Variants in GRIN2B observed in about 807,000 individuals in gnomAD.
GRIN2B encodes the protein glutamate receptor ionotropic, NMDA 2B.
A neutral mutation model predicts 114.5 loss-of-function variants in GRIN2B; 5 were observed. That is an observed-to-expected ratio of 0.04 (90% CI 0.02 to 0.09). The LOEUF is 0.09. GRIN2B is among the 10% of genes least tolerant of loss of function. The pLI, the probability that GRIN2B is intolerant of heterozygous loss-of-function variation, is 1.00. For synonymous variants in GRIN2B, 787 were observed against 745.1 expected, an observed-to-expected ratio of 1.06 and a Z score of -0.92; for missense variants, 1,108 against 1,943.5, an observed-to-expected ratio of 0.57 and a Z score of 8.08.
chr12:13,822,171 A>G (rs1018030377), intron 3 of GRIN2B, among the ~76,000 whole-genome samples: 4 of 152,178 alleles, frequency 2.6e-5, no homozygotes, highest in Admixed American at 2.0e-4. Context: ...TGTGTGCAAA[A>G]AGAGGAGACA....
chr12:13,538,836 A>T lies in GRIN2B; in HGVS notation c.*23947T>A, dbSNP rs1292150692. 6.6e-6 allele frequency: 1 copy of T among 151,422 alleles called. No homozygotes were observed. The highest frequency in any genetic ancestry group is 6.6e-5 in the Admixed American group (1 of 15,242). 9.4% of individuals were successfully genotyped at this position (151,422 alleles called of 1,614,324 possible). On this transcript the variant is annotated 3_prime_UTR_variant, in exon 14 of 14. Coordinates refer to ENST00000609686, the MANE Select transcript of GRIN2B (RefSeq NM_000834.5). ...TTAAAAAACAAACAAACAAAAAAAA[A>T]ACAAACAAAAAAACAAAAACAACAG...
At position 13,584,793 on chromosome 12, in the gene GRIN2B, A is replaced by G. The variant is rs1325800647; in HGVS notation, c.2011-12829T>C. On this transcript the variant is annotated intron_variant, in intron 10 of 13. Coordinates refer to ENST00000609686, the MANE Select transcript of GRIN2B (RefSeq NM_000834.5). ...ATAACATGGAGATGAAGTGAAACAG[A>G]GGCATAAGGACAGAGGCATTTGAGT... is the stretch of plus-strand genomic sequence containing the variant. 2.0e-5 allele frequency among the ~76,000 whole-genome samples: 3 copies of G among 152,250 alleles called. No individual in the cohort carries two copies. The South Asian group carries it at 6.2e-4, about 32-fold the overall frequency.
In GRIN2B at chr12:13,555,632, G is replaced by A. The variant is rs1049533250; in HGVS notation, c.*7151C>T. 7 of 152,104 alleles carry A rather than the reference G, an allele frequency of 4.6e-5. No homozygotes were observed. Among genetic ancestry groups the A allele is most frequent in the Non-Finnish European group, 1.0e-4 (7 of 68,014 alleles). The allele number at this position is 152,104 out of a possible 1,614,324, so 9.4% of individuals were successfully genotyped here. On this transcript the variant is annotated 3_prime_UTR_variant, in exon 14 of 14. Coordinates refer to ENST00000609686, the MANE Select transcript of GRIN2B (RefSeq NM_000834.5). ...GGAGCACTTGGTTGGGAGAAAGGAT[G>A]GAAAAGATGTGTGAAAGACAAGAGA...
intron 2 of GRIN2B, among the ~76,000 whole-genome samples, chr12:13,971,224 CTT>C (rs1862906701): frequency 6.6e-6 from 1 of 152,214 alleles, no homozygotes. Flanking sequence ...CACTCATACC[CTT>C]TCTCTTTTAT....
At chr12:13,639,712 G>A (rs1418014628) in intron 5 of GRIN2B, among the ~76,000 whole-genome samples, 2 of 151,984 alleles carry the variant, frequency 1.3e-5, no homozygotes, top group Admixed American at 6.6e-5. Context: ...TCCTCTGCTG[G>A]GGTTCCACAC....
At chr12:13,917,223 G>T (rs1190943078) in intron 2 of GRIN2B, among the ~76,000 whole-genome samples, 1 of 152,044 alleles carries the variant, frequency 6.6e-6, no homozygotes. Flanking sequence ...CTCCAAATGG[G>T]GTCCCACTAA....
At chr12:13,751,138 G>A (rs948378316) in intron 4 of GRIN2B, among the ~76,000 whole-genome samples, 1 of 152,160 alleles carries the variant, frequency 6.6e-6, no homozygotes, top group African/African-American at 2.4e-5. Flanking sequence ...AGAGCATGGT[G>A]TTTTTGAAGA....
rs1565445461 is a variant in GRIN2B, at chr12:13,548,993, G to A, written c.*13790C>T. On this transcript the variant is annotated 3_prime_UTR_variant, in exon 14 of 14. Coordinates refer to ENST00000609686, the MANE Select transcript of GRIN2B (RefSeq NM_000834.5). ...CTCTCCTATCTTCCCTCTAGGGCTA[G>A]GAAGGACTGATAAAAAAAAAAAGTT... 7.5e-6 allele frequency: 1 copy of A among 132,518 alleles called. No individual in the cohort carries two copies. The highest frequency in any genetic ancestry group is 1.7e-5 in the Non-Finnish European group (1 of 57,686). 8.2% of individuals were successfully genotyped at this position (132,518 alleles called of 1,614,324 possible).
chr12:13,708,347 G>A (rs1050716424), intron 4 of GRIN2B, among the ~76,000 whole-genome samples: 2 of 152,030 alleles, frequency 1.3e-5, no homozygotes, highest in Non-Finnish European at 2.9e-5. Flanking sequence ...CGACCTGAGA[G>A]ATTAAGAAAA....
At chr12:13,783,676 C>T (rs543143116) in intron 3 of GRIN2B, among the ~76,000 whole-genome samples, 6 of 152,092 alleles carry the variant, frequency 3.9e-5, no homozygotes, top group East Asian at 3.9e-4. Context: ...GGCTCTTCAA[C>T]GGGATAAAAG....
chr12:13,649,626 C>T (rs935314588), intron 5 of GRIN2B, among the ~76,000 whole-genome samples: 5 of 152,006 alleles, frequency 3.3e-5, no homozygotes. Flanking sequence ...TTGTAGATCA[C>T]ATGGGGTTAG....
intron 2 of GRIN2B, among the ~76,000 whole-genome samples, chr12:13,917,878 A>AT (rs1040396654): frequency 6.6e-6 from 1 of 151,972 alleles, no homozygotes; most frequent in Middle Eastern, 3.2e-3. Context: ...AAAATATCAG[A>AT]TTTTTGGTAG....
chr12:13,956,521 C>T (rs901442107), intron 2 of GRIN2B, among the ~76,000 whole-genome samples: 3 of 152,188 alleles, frequency 2.0e-5, no homozygotes, highest in Admixed American at 2.0e-4. Flanking sequence ...TCATTCTGTT[C>T]TATAAGCCTC....
chr12:13,597,456 T>C (rs1289215568), intron 10 of GRIN2B, among the ~76,000 whole-genome samples: 1 of 152,204 alleles, frequency 6.6e-6, no homozygotes, highest in African/African-American at 2.4e-5. Context: ...AAGTCTCAGA[T>C]GGAAAAGGGA....
chr12:13,855,089 A>G (rs1865637805), intron 3 of GRIN2B, among the ~76,000 whole-genome samples: 1 of 144,252 alleles, frequency 6.9e-6, no homozygotes, highest in African/African-American at 2.6e-5. Context: ...GTGGTGGTGC[A>G]TGCCTGTAAT....
intron 3 of GRIN2B, among the ~76,000 whole-genome samples, chr12:13,814,153 C>A (rs944385483): frequency 8.5e-5 from 13 of 152,182 alleles, no homozygotes; most frequent in African/African-American, 3.1e-4. Context: ...AGGGAATCTG[C>A]AAAGTGTTTA....
intron 4 of GRIN2B, among the ~76,000 whole-genome samples, chr12:13,681,623 T>C (rs900247694): frequency 6.6e-6 from 1 of 152,198 alleles, no homozygotes; most frequent in Non-Finnish European, 1.5e-5. Context: ...CTTACTTGTC[T>C]GGTGTGAGAA....
At chr12:13,917,185 C>T (rs1378160118) in intron 2 of GRIN2B, among the ~76,000 whole-genome samples, 1 of 152,152 alleles carries the variant, frequency 6.6e-6, no homozygotes, top group African/African-American at 2.4e-5. Context: ...CATCATGTCC[C>T]TCTGGGTCAC....
At chr12:13,620,447 T>C (rs1949499656) in intron 5 of GRIN2B, among the ~76,000 whole-genome samples, 1 of 152,150 alleles carries the variant, frequency 6.6e-6, no homozygotes, top group South Asian at 2.1e-4. Context: ...GCAAACACTA[T>C]CAATCAGGCT....
Sources: gnomAD v4.1 joint callset for allele counts (sites outside exome capture counted in the v4.1 genomes callset) on GRCh38, gnomAD v4.1.1 for gene constraint, MANE v1.5 for transcripts, NCBI Gene and HGNC (gene_info 2026-07-23, HGNC 2026-07-21) for gene names.